Variants in ZC3H12B observed in about 807,000 individuals in gnomAD.
The protein encoded by ZC3H12B is probable ribonuclease ZC3H12B.
A neutral mutation model predicts 43.9 loss-of-function variants in ZC3H12B; 7 were observed. The observed-to-expected ratio is 0.16, with a 90% confidence interval of 0.09 to 0.30. ZC3H12B has a LOEUF of 0.30. Ranked by LOEUF, ZC3H12B falls within the 10% of genes least tolerant of loss-of-function variation. The probability of loss-of-function intolerance (pLI) is 1.00; values close to 1 mark genes in which losing one functional copy is unlikely to be tolerated. For synonymous variants in ZC3H12B, 222 were observed against 241.7 expected, an observed-to-expected ratio of 0.92 and a Z score of 0.76; for missense variants, 475 against 670.2, an observed-to-expected ratio of 0.71 and a Z score of 3.22.
chrX:65,393,878 T>A (rs1355562147), intron 2 of ZC3H12B, among the ~76,000 whole-genome samples: 1 of 112,269 alleles, frequency 8.9e-6, no homozygotes, highest in Non-Finnish European at 1.9e-5. Context: ...CCAGACTTTT[T>A]AATAATCTCT....
chrX:65,046,811 C>G, the ZC3H12B span, among the ~76,000 whole-genome samples: 1 of 111,344 alleles, frequency 9.0e-6, no homozygotes, highest in Non-Finnish European at 1.9e-5. Flanking sequence ...GCTACTCTTC[C>G]TTTCACTTGA....
the ZC3H12B span, among the ~76,000 whole-genome samples, chrX:65,298,198 C>T: frequency 1.4e-3 from 157 of 111,728 alleles, no homozygotes; most frequent in Non-Finnish European, 2.5e-3. Flanking sequence ...AAACAATAAG[C>T]GGAGTAAACA....
At chrX:65,373,700 T>G (rs760585649) in intron 2 of ZC3H12B, among the ~76,000 whole-genome samples, 30 of 85,301 alleles carry the variant, frequency 3.5e-4, no homozygotes, top group African/African-American at 1.4e-3. Context: ...ATGAGGACAC[T>G]TGGACACAGG....
At chrX:65,159,096 T>C in the ZC3H12B span, among the ~76,000 whole-genome samples, 1 of 111,798 alleles carries the variant, frequency 8.9e-6, no homozygotes, top group East Asian at 2.8e-4. Flanking sequence ...TATGCGGCAT[T>C]ATTTCTGAGG....
At chrX:65,371,114 A>G (rs2066238613) in intron 2 of ZC3H12B, among the ~76,000 whole-genome samples, 1 of 111,563 alleles carries the variant, frequency 9.0e-6, no homozygotes. Context: ...TATATATTGA[A>G]TTTTTAGGAT....
chrX:65,290,264 A>T, the ZC3H12B span, among the ~76,000 whole-genome samples: 1 of 111,064 alleles, frequency 9.0e-6, no homozygotes, highest in African/African-American at 3.3e-5. Flanking sequence ...AAAAATGAAT[A>T]TCAAACCTAA....
the ZC3H12B span, among the ~76,000 whole-genome samples, chrX:65,249,716 G>T: frequency 1.9e-5 from 2 of 107,277 alleles, no homozygotes; most frequent in South Asian, 8.1e-4. Flanking sequence ...TCTTTGTGTT[G>T]TCTATGATTT....
intron 2 of ZC3H12B, among the ~76,000 whole-genome samples, chrX:65,371,651 G>A (rs1365832996): frequency 1.8e-5 from 2 of 111,924 alleles, no homozygotes; most frequent in Non-Finnish European, 1.9e-5. Context: ...GCAAGCAAAT[G>A]TACAAATAAA....
chrX:65,472,433 G>A (rs753361034), intron 3 of ZC3H12B, among the ~76,000 whole-genome samples: 33 of 106,623 alleles, frequency 3.1e-4, no homozygotes, highest in East Asian at 2.0e-3. Flanking sequence ...TTTGTTTGTC[G>A]TAATCCCATT....
the ZC3H12B span, among the ~76,000 whole-genome samples, chrX:65,189,780 A>G: frequency 1.8e-5 from 2 of 111,090 alleles, no homozygotes; most frequent in South Asian, 3.8e-4. Context: ...TGCTTTTGCT[A>G]TGCAGAAGCT....
At chrX:65,163,539 T>A in the ZC3H12B span, among the ~76,000 whole-genome samples, 2 of 111,472 alleles carry the variant, frequency 1.8e-5, no homozygotes, top group East Asian at 5.7e-4. Flanking sequence ...GTGCTTGCAA[T>A]CAGTGAGACT....
At chrX:65,419,954 A>T (rs1461997416) in intron 3 of ZC3H12B, among the ~76,000 whole-genome samples, 1 of 110,998 alleles carries the variant, frequency 9.0e-6, no homozygotes, top group Non-Finnish European at 1.9e-5. Flanking sequence ...ATACCCCTGC[A>T]TACTATGGTA....
the ZC3H12B span, among the ~76,000 whole-genome samples, chrX:65,131,924 G>A: frequency 4.5e-5 from 5 of 111,270 alleles, no homozygotes; most frequent in Non-Finnish European, 7.5e-5. Context: ...GAAGGTCATC[G>A]ATATATTGAA....
At chrX:65,100,948 C>T in the ZC3H12B span, among the ~76,000 whole-genome samples, 1 of 111,772 alleles carries the variant, frequency 8.9e-6, no homozygotes, top group African/African-American at 3.2e-5. Context: ...ATACATTCTT[C>T]TCAGAACCAC....
At chrX:65,107,653 C>T in the ZC3H12B span, among the ~76,000 whole-genome samples, 3 of 111,193 alleles carry the variant, frequency 2.7e-5, no homozygotes, top group Admixed American at 9.5e-5. Flanking sequence ...AGCAGTTACC[C>T]TCATGCTATT....
chrX:65,058,849 C>T, the ZC3H12B span, among the ~76,000 whole-genome samples: 9 of 112,271 alleles, frequency 8.0e-5, no homozygotes. Context: ...ATGAGCGAGG[C>T]TTCGTGGGCG....
At chrX:65,259,384 C>T in the ZC3H12B span, among the ~76,000 whole-genome samples, 1 of 111,907 alleles carries the variant, frequency 8.9e-6, no homozygotes, top group African/African-American at 3.2e-5. Context: ...AACTAGATTT[C>T]CTCTTTACAC....
chrX:65,362,036 G>A (rs1240212378), upstream of ZC3H12B, among the ~76,000 whole-genome samples: 2 of 111,884 alleles, frequency 1.8e-5, no homozygotes, highest in African/African-American at 3.3e-5. Context: ...CCCACAGCCC[G>A]GGATTCCTTT....
At chrX:65,252,034 C>T in the ZC3H12B span, among the ~76,000 whole-genome samples, 1 of 111,750 alleles carries the variant, frequency 8.9e-6, no homozygotes, top group Non-Finnish European at 1.9e-5. Context: ...GGGAATACTT[C>T]CAGTTTTTGC....
Sources: allele counts gnomAD v4.1 joint callset (sites outside exome capture counted in the v4.1 genomes callset), GRCh38; gene constraint gnomAD v4.1.1; transcripts MANE v1.5; gene names NCBI Gene and HGNC (gene_info 2026-07-23, HGNC 2026-07-21).